GADL1: variants seen among roughly 807,000 people sequenced by gnomAD.
GADL1 encodes the protein GAD like acidic amino acid decarboxylase 1.
Under a neutral mutation model 69.5 loss-of-function variants are expected in GADL1, and 71 were observed. The observed-to-expected ratio is 1.02, with a 90% CI of 0.84 to 1.25. The LOEUF is 1.25. GADL1 is among the 50% of genes most tolerant of loss of function. GADL1 has a pLI of 0.00. For missense variants in GADL1, 737 were observed against 631.8 expected, an observed-to-expected ratio of 1.17 and a Z score of -1.79; for synonymous variants, 254 against 214.4, an observed-to-expected ratio of 1.18 and a Z score of -1.62.
At chr3:30,796,247 C>G (rs1697029988) in intron 12 of GADL1, among the ~76,000 whole-genome samples, 1 of 152,138 alleles carries the variant, frequency 6.6e-6, no homozygotes, top group Non-Finnish European at 1.5e-5. Context: ...AAAAAGGGAA[C>G]AGAGCTTCCT....
intron 14 of GADL1, among the ~76,000 whole-genome samples, chr3:30,762,471 T>C (rs907182077): frequency 6.6e-6 from 1 of 152,194 alleles, no homozygotes; most frequent in Non-Finnish European, 1.5e-5. Context: ...AACATTTTTA[T>C]AATAAACTTT....
intron 14 of GADL1, among the ~76,000 whole-genome samples, chr3:30,751,558 T>C (rs1472088411): frequency 6.6e-6 from 1 of 151,540 alleles, no homozygotes; most frequent in Non-Finnish European, 1.5e-5. Flanking sequence ...AAATATCTAG[T>C]AGACTAGAAA....
chr3:30,781,626 T>C (rs868718969), intron 13 of GADL1, among the ~76,000 whole-genome samples: 3 of 152,186 alleles, frequency 2.0e-5, no homozygotes, highest in Non-Finnish European at 2.9e-5. Flanking sequence ...AGCCTAAGTT[T>C]TGGAGTTGCA....
intron 11 of GADL1, among the ~76,000 whole-genome samples, chr3:30,832,310 T>C (rs941262477): frequency 4.0e-5 from 6 of 151,478 alleles, no homozygotes; most frequent in African/African-American, 1.2e-4. Flanking sequence ...ATGGGTTTTA[T>C]TGTCACTAAG....
chr3:30,814,160 G>A (rs1483025351), intron 11 of GADL1, among the ~76,000 whole-genome samples: 1 of 152,122 alleles, frequency 6.6e-6, no homozygotes, highest in Non-Finnish European at 1.5e-5. Context: ...ACAGATAAAA[G>A]CATCAAGGTT....
intron 1 of GADL1, among the ~76,000 whole-genome samples, chr3:30,886,387 A>G (rs9867466): frequency 0.046 from 7,000 of 152,248 alleles, 568 homozygotes; most frequent in African/African-American, 0.16. Context: ...TTTTTACAGT[A>G]TCCATAGTTT....
intron 1 of GADL1, among the ~76,000 whole-genome samples, chr3:30,867,441 C>A: frequency 9.3e-6 from 1 of 107,546 alleles, no homozygotes; most frequent in South Asian, 3.2e-4. Flanking sequence ...TATATATATA[C>A]ACATATATGT....
intron 11 of GADL1, among the ~76,000 whole-genome samples, chr3:30,812,079 T>A (rs1427900193): frequency 1.3e-5 from 2 of 152,228 alleles, no homozygotes; most frequent in East Asian, 3.8e-4. Context: ...TCTGACTTAC[T>A]TTTTTGCTAC....
intron 3 of GADL1, among the ~76,000 whole-genome samples, chr3:30,855,929 CA>C (rs370368623): frequency 0.024 from 2,997 of 123,996 alleles, 89 homozygotes; most frequent in East Asian, 0.16. Context: ...TCTGATCTGG[CA>C]AAAAAAAAAA....
At chr3:30,777,746 T>C (rs182573622) in intron 14 of GADL1, among the ~76,000 whole-genome samples, 8 of 152,298 alleles carry the variant, frequency 5.3e-5, no homozygotes, top group Admixed American at 2.0e-4. Context: ...TCCCCTTGGG[T>C]GTAAGACATA....
chr3:30,776,809 A>C (rs1696551115), intron 14 of GADL1, among the ~76,000 whole-genome samples: 1 of 151,738 alleles, frequency 6.6e-6, no homozygotes, highest in Non-Finnish European at 1.5e-5. Context: ...TCTGCCTGTT[A>C]CTCTTCTCAC....
chr3:30,800,806 G>GACACACAC (rs35529398), intron 12 of GADL1, 83 bp downstream of exon 12: 197 of 727,126 alleles, frequency 2.7e-4, no homozygotes, highest in African/African-American at 2.6e-3. Context: ...GACACAGATA[G>GACACACAC]ACACACACAC....
At chr3:30,789,534 C>T (rs1281767464) in intron 12 of GADL1, among the ~76,000 whole-genome samples, 1 of 152,198 alleles carries the variant, frequency 6.6e-6, no homozygotes, top group African/African-American at 2.4e-5. Flanking sequence ...TTCAGCCTGT[C>T]TTTGAAGCTT....
At chr3:30,764,631 T>A (rs1459464996) in intron 14 of GADL1, among the ~76,000 whole-genome samples, 1 of 152,206 alleles carries the variant, frequency 6.6e-6, no homozygotes, top group Non-Finnish European at 1.5e-5. Context: ...AGATGCTCAA[T>A]AAATATATTG....
chr3:30,874,658 C>T (rs930219280), intron 1 of GADL1, among the ~76,000 whole-genome samples: 4 of 151,954 alleles, frequency 2.6e-5, no homozygotes, highest in South Asian at 2.1e-4. Flanking sequence ...TTCCACCACT[C>T]GTAAGCATCT....
chr3:30,893,538 C>A (rs934441549), intron 1 of GADL1, among the ~76,000 whole-genome samples: 1 of 152,148 alleles, frequency 6.6e-6, no homozygotes, highest in Non-Finnish European at 1.5e-5. Context: ...CCTCTCCGCT[C>A]CCCAGCCTCT....
intron 11 of GADL1, among the ~76,000 whole-genome samples, chr3:30,820,463 T>G (rs181845337): frequency 6.6e-6 from 1 of 152,278 alleles, no homozygotes; most frequent in African/African-American, 2.4e-5. Context: ...TGCAAGAGAA[T>G]AACTTAAAAT....
At chr3:30,775,726 T>TGTA (rs1242930189) in intron 14 of GADL1, among the ~76,000 whole-genome samples, 3 of 152,044 alleles carry the variant, frequency 2.0e-5, no homozygotes, top group African/African-American at 7.3e-5. Context: ...GGATATTTAC[T>TGTA]GTATGATCAT....
At chr3:30,869,658 G>A (rs1350771383) in intron 1 of GADL1, among the ~76,000 whole-genome samples, 3 of 151,536 alleles carry the variant, frequency 2.0e-5, no homozygotes, top group Non-Finnish European at 4.4e-5. Flanking sequence ...AGAGCAAGAC[G>A]AGAATTTTAA....
Sources: allele counts gnomAD v4.1 joint callset (sites outside exome capture counted in the v4.1 genomes callset), GRCh38; gene constraint gnomAD v4.1.1; transcripts MANE v1.5; gene names NCBI Gene and HGNC (gene_info 2026-07-23, HGNC 2026-07-21).